NOVA1: variants seen among roughly 807,000 people sequenced by gnomAD.
The protein encoded by NOVA1 is NOVA alternative splicing regulator 1.
A neutral mutation model predicts 38.0 loss-of-function variants in NOVA1; 7 were observed. That is an observed-to-expected ratio of 0.18 (90% CI 0.10 to 0.35). The LOEUF (loss-of-function observed/expected upper bound fraction) is 0.35, where lower values mean the gene tolerates loss of function less well. Ranked by LOEUF, NOVA1 falls within the 10% of genes least tolerant of loss-of-function variation. The probability of loss-of-function intolerance (pLI) is 1.00; values close to 1 mark genes in which losing one functional copy is unlikely to be tolerated. For missense variants in NOVA1, 460 were observed against 616.0 expected (o/e 0.75, Z 2.68); for synonymous variants, 270 against 232.5 (o/e 1.16, Z -1.47).
At chr14:26,596,852 C>T in intron 1 of NOVA1, 2 of 1,110,622 alleles carry the variant, frequency 1.8e-6, no homozygotes, top group Non-Finnish European at 2.2e-6. Context: ...CTCTCCGGCG[C>T]CCCAGTCATT....
At chr14:26,539,565 G>A (rs935114133) in intron 2 of NOVA1, among the ~76,000 whole-genome samples, 3 of 151,162 alleles carry the variant, frequency 2.0e-5, no homozygotes, top group African/African-American at 7.3e-5. Flanking sequence ...ATAGATAGAT[G>A]ATAGATGTAG....
intron 2 of NOVA1, among the ~76,000 whole-genome samples, chr14:26,591,569 A>T (rs1893842266): frequency 6.6e-6 from 1 of 151,730 alleles, no homozygotes; most frequent in African/African-American, 2.4e-5. Context: ...TCACATTCAT[A>T]TGTACTACCA....
chr14:26,559,210 C>T (rs187652193), intron 2 of NOVA1, among the ~76,000 whole-genome samples: 213 of 152,026 alleles, frequency 1.4e-3, no homozygotes, highest in Middle Eastern at 0.014. Flanking sequence ...TGCATCTTTC[C>T]TAAAAAGAGA....
intron 2 of NOVA1, among the ~76,000 whole-genome samples, chr14:26,551,566 C>T (rs1891162485): frequency 6.6e-6 from 1 of 152,040 alleles, no homozygotes; most frequent in Non-Finnish European, 1.5e-5. Context: ...ATGGATTCTG[C>T]ATTTCTCAAA....
In NOVA1 at chr14:26,540,834, C is replaced by T. The variant is rs2138596001; in HGVS notation, c.280+54576G>A. Among the ~76,000 whole-genome samples, 2 of 152,252 alleles carry T rather than the reference C, an allele frequency of 1.3e-5. 1 individual carries two copies. Among genetic ancestry groups the T allele is most frequent in the South Asian group, 4.1e-4 (2 of 4,828 alleles). Reference sequence around the variant, plus strand: ...ACTCAGAAATGATTTATGAGAATATCCTCCATGGAAAGCACAAAGGTGAAC... The same window carrying T: ...ACTCAGAAATGATTTATGAGAATATTCTCCATGGAAAGCACAAAGGTGAAC... On this transcript the variant is annotated intron_variant, in intron 2 of 4. Transcript: ENST00000539517.
At chr14:26,453,228 A>AG (rs1480307669) in intron 4 of NOVA1, among the ~76,000 whole-genome samples, 1 of 140,042 alleles carries the variant, frequency 7.1e-6, no homozygotes. Flanking sequence ...ATTTTTAGAG[A>AG]GGGGGGTCTC....
chr14:26,453,204 G>GTATTTATT lies in NOVA1; in HGVS notation c.520-4242_520-4241insAATAAATA, dbSNP rs71433036. Among the ~76,000 whole-genome samples, 348 of 110,624 alleles carry GTATTTATT rather than the reference G, an allele frequency of 3.1e-3. 2 individuals are homozygous for GTATTTATT. Among genetic ancestry groups the GTATTTATT allele is most frequent in the East Asian group, 7.5e-3 (27 of 3,586 alleles). 72.6% of individuals were successfully genotyped at this position (110,624 alleles called of 152,430 possible). ...TGTATGTATGTATGTATGTATGTATGTATGTATTTATTTATTTTTAGAGAG... is the reference window on the plus strand; with the variant it reads ...TGTATGTATGTATGTATGTATGTATGTATTTATTTATGTATTTATTTATTTTTAGAGAG... On this transcript the variant is annotated intron_variant, in intron 4 of 4. Coordinates refer to ENST00000539517, the MANE Select transcript of NOVA1 (RefSeq NM_002515.3).
At chr14:26,515,095 G>C (rs1888367301) in intron 2 of NOVA1, among the ~76,000 whole-genome samples, 2 of 151,854 alleles carry the variant, frequency 1.3e-5, no homozygotes, top group African/African-American at 4.8e-5. Flanking sequence ...AAGAACAAAA[G>C]TGGACAATAA....
chr14:26,445,216 C>G lies in NOVA1; in HGVS notation c.*2743G>C, dbSNP rs1482186198. On this transcript the variant is annotated 3_prime_UTR_variant, in exon 5 of 5. Coordinates refer to ENST00000539517, the MANE Select transcript of NOVA1 (RefSeq NM_002515.3). ...CAGTTTTCTCCATTTTGGATCAGTA[C>G]AGCTGAACAGCCATTGTTACATGCC... The G allele has an allele frequency of 6.6e-6, 1 of 152,160 alleles. No homozygotes were observed. The highest frequency in any genetic ancestry group is 2.4e-5 in the African/African-American group (1 of 41,450). 9.4% of individuals were successfully genotyped at this position (152,160 alleles called of 1,614,324 possible).
At chr14:26,484,941 A>G (rs1566466662) in intron 2 of NOVA1, among the ~76,000 whole-genome samples, 1 of 152,174 alleles carries the variant, frequency 6.6e-6, no homozygotes, top group Non-Finnish European at 1.5e-5. Flanking sequence ...AGCAATGACC[A>G]AACAGGAAAA....
intron 2 of NOVA1, among the ~76,000 whole-genome samples, chr14:26,512,684 T>C (rs921225260): frequency 8.5e-5 from 13 of 152,148 alleles, no homozygotes; most frequent in African/African-American, 3.1e-4. Flanking sequence ...GACATAATAA[T>C]AAATAAATTT....
chr14:26,544,664 AGAGT>A (rs1209599833), intron 2 of NOVA1, among the ~76,000 whole-genome samples: 1 of 151,970 alleles, frequency 6.6e-6, no homozygotes, highest in Admixed American at 6.6e-5. Flanking sequence ...TTAAAATGCC[AGAGT>A]GAGAAAAGAA....
chr14:26,500,624 C>T (rs1182162072), intron 2 of NOVA1, among the ~76,000 whole-genome samples: 2 of 151,824 alleles, frequency 1.3e-5, no homozygotes, highest in African/African-American at 4.8e-5. Context: ...AGGCAATACA[C>T]AGTATGCAGA....
intron 2 of NOVA1, chr14:26,519,304 T>C (rs1888702028): frequency 6.6e-6 from 1 of 152,140 alleles, no homozygotes; most frequent in Non-Finnish European, 1.5e-5. Flanking sequence ...TTATTAAAGT[T>C]ATTGGGAGGC....
At chr14:26,503,467 A>G (rs1887391162) in intron 2 of NOVA1, among the ~76,000 whole-genome samples, 1 of 152,050 alleles carries the variant, frequency 6.6e-6, no homozygotes, top group African/African-American at 2.4e-5. Flanking sequence ...AAATATCACC[A>G]TATAGCTCTG....
At chr14:26,550,971 G>C (rs1467672865) in intron 2 of NOVA1, among the ~76,000 whole-genome samples, 1 of 151,932 alleles carries the variant, frequency 6.6e-6, no homozygotes, top group Admixed American at 6.6e-5. Flanking sequence ...ACAAGATGTG[G>C]CTCTTTATTT....
chr14:26,568,779 TCC>T (rs1463903503), intron 2 of NOVA1, among the ~76,000 whole-genome samples: 2 of 152,084 alleles, frequency 1.3e-5, no homozygotes, highest in African/African-American at 2.4e-5. Context: ...CTGATGAGAA[TCC>T]CCAGTAAATA....
At position 26,446,676 on chromosome 14, in the gene NOVA1, T is replaced by C. The variant is rs949238261; in HGVS notation, c.*1283A>G. On this transcript the variant is annotated 3_prime_UTR_variant, in exon 5 of 5. Coordinates refer to ENST00000539517, the MANE Select transcript of NOVA1 (RefSeq NM_002515.3). ...ATGGTGTGTCAAATGGCCTGGACAG[T>C]TGGCACTCAGGAGAGGTACAGAAGA... The C allele has an allele frequency of 5.9e-5, 9 of 152,700 alleles. No individual in the cohort carries two copies. Among genetic ancestry groups the C allele is most frequent in the African/African-American group, 1.7e-4 (7 of 41,440 alleles). The allele number at this position is 152,700 out of a possible 1,614,324, so 9.5% of individuals were successfully genotyped here.
chr14:26,465,011 T>G (rs915402434), intron 4 of NOVA1, among the ~76,000 whole-genome samples: 1 of 152,150 alleles, frequency 6.6e-6, no homozygotes, highest in African/African-American at 2.4e-5. Flanking sequence ...ATCCTAGTGA[T>G]AAGCAAAACA....
Sources: gnomAD v4.1 joint callset for allele counts (sites outside exome capture counted in the v4.1 genomes callset) on GRCh38, gnomAD v4.1.1 for gene constraint, MANE v1.5 for transcripts, NCBI Gene and HGNC (gene_info 2026-07-23, HGNC 2026-07-21) for gene names.